The following SYNE2 variants were observed in gnomAD, a reference collection of about 807,000 sequenced individuals.
SYNE2 encodes nesprin-2.
A neutral mutation model predicts 856.3 loss-of-function variants in SYNE2; 431 were observed. The ratio of observed to expected loss-of-function variants is 0.50; its 90% CI spans 0.47 to 0.55. The LOEUF (loss-of-function observed/expected upper bound fraction) is 0.55, where lower values mean the gene tolerates loss of function less well. Among genes scored for constraint, SYNE2 ranks in the 20% least tolerant of loss-of-function variants. SYNE2 has a pLI of 0.00. For synonymous variants in SYNE2, 2,923 were observed against 2,872.3 expected, an observed-to-expected ratio of 1.02 and a Z score of -0.56; for missense variants, 8,129 against 8,023.2, an observed-to-expected ratio of 1.01 and a Z score of -0.50.
chr14:63,896,069 A>G (rs2095247641), intron 1 of SYNE2, among the ~76,000 whole-genome samples: 1 of 152,222 alleles, frequency 6.6e-6, no homozygotes, highest in African/African-American at 2.4e-5. Flanking sequence ...CTTATTTTCT[A>G]TAAAGTCATT....
chr14:63,970,814 G>A (rs2096465268), intron 11 of SYNE2, among the ~76,000 whole-genome samples: 2 of 151,302 alleles, frequency 1.3e-5, no homozygotes, highest in Admixed American at 1.3e-4. Context: ...CACCATGCCT[G>A]GCTAATTTTT....
chr14:63,834,823 T>C (rs1889791654), intron 1 of SYNE2, among the ~76,000 whole-genome samples: 1 of 151,192 alleles, frequency 6.6e-6, no homozygotes, highest in African/African-American at 2.4e-5. Context: ...GTATTTTTAG[T>C]AGAGACAGAG....
chr14:64,161,923 A>G lies in SYNE2; in HGVS notation c.16095-149A>G, dbSNP rs2098333099. 7 of 803,434 alleles carry G rather than the reference A, an allele frequency of 8.7e-6. No homozygotes were observed. In the South Asian group the frequency reaches 1.1e-4, roughly 13 times the overall value. The allele number at this position is 803,434 out of a possible 1,614,324, so 49.8% of individuals were successfully genotyped here. ...TTATTTTTATATAATGGTTTCTATA[A>G]TGGTGATGCCACTAATTTTAAAAAC... is the stretch of plus-strand genomic sequence containing the variant. On this transcript the variant is annotated intron_variant, in intron 87 of 115. Transcript: ENST00000555002.
chr14:64,105,634 C>T (rs561123821), intron 64 of SYNE2, among the ~76,000 whole-genome samples: 1 of 152,318 alleles, frequency 6.6e-6, no homozygotes, highest in African/African-American at 2.4e-5. Flanking sequence ...CTTTCTGTCA[C>T]GTTGTGTTAA....
chr14:63,851,987 G>T (rs1386227367), upstream of SYNE2, among the ~76,000 whole-genome samples: 2 of 27,746 alleles, frequency 7.2e-5, no homozygotes, highest in Non-Finnish European at 1.7e-4. Context: ...GGGGGGGGGG[G>T]GGGGGGAATG....
rs868551305 is a variant in SYNE2 at position 64,014,996 on chromosome 14, T to C, written c.4729-1477T>C. 6.5e-4 allele frequency among the ~76,000 whole-genome samples: 91 copies of C among 138,968 alleles called. 1 individual carries two copies. In the Middle Eastern group the frequency reaches 0.019, roughly 29 times the overall value. 91.2% of individuals were successfully genotyped at this position (138,968 alleles called of 152,430 possible). ...ATATACACACACACACACACACATA[T>C]ATAAATATATATATGTGTATATATG... is the stretch of plus-strand genomic sequence containing the variant. On this transcript the variant is annotated intron_variant, in intron 32 of 115. Transcript: ENST00000555002.
intron 1 of SYNE2, among the ~76,000 whole-genome samples, chr14:63,774,176 T>C (rs1475637083): frequency 6.6e-6 from 1 of 151,440 alleles, no homozygotes; most frequent in Admixed American, 6.6e-5. Context: ...CTACTAAAAA[T>C]ACAAAAAATT....
intron 87 of SYNE2, among the ~76,000 whole-genome samples, chr14:64,160,177 G>C (rs1400779145): frequency 6.6e-6 from 1 of 152,184 alleles, no homozygotes; most frequent in African/African-American, 2.4e-5. Flanking sequence ...TTGGAAGACG[G>C]GGAGGAGACA....
In SYNE2 at chr14:64,013,409, T is replaced by G. The variant is rs559034551; in HGVS notation, c.4729-3064T>G. Reference sequence around the variant, plus strand: ...TTGTGTAATGGTGGAGTCTGGGCTTTTAGTGGAACCTATCACCCAAATAGT... The same window carrying G: ...TTGTGTAATGGTGGAGTCTGGGCTTGTAGTGGAACCTATCACCCAAATAGT... On this transcript the variant is annotated intron_variant, in intron 32 of 115. Coordinates refer to ENST00000555002, the MANE Select transcript of SYNE2 (RefSeq NM_182914.3). Among the ~76,000 whole-genome samples the G allele has an allele frequency of 2.3e-4, 35 of 152,140 alleles. 2 individuals carry two copies. The highest frequency in any genetic ancestry group is 8.2e-4 in the African/African-American group (34 of 41,496).
chr14:64,186,332 C>T lies in SYNE2; in HGVS notation c.17557-92C>T. 3.2e-6 allele frequency: 5 copies of T among 1,550,106 alleles called. No homozygotes were observed. In the South Asian group the frequency reaches 4.5e-5, roughly 14 times the overall value. ...TCCCTCTCTCCTGGCCTCCCCTCCCCCAGAGTCTAATCAAAGGATTAGCCT... is the reference window on the plus strand; with the variant it reads ...TCCCTCTCTCCTGGCCTCCCCTCCCTCAGAGTCTAATCAAAGGATTAGCCT... On this transcript the variant is annotated intron_variant, in intron 96 of 115. Transcript: ENST00000555002.
Position 64,225,602 on chromosome 14 carries a change from T to G in SYNE2, c.*76T>G. On this transcript the variant is annotated 3_prime_UTR_variant, in exon 116 of 116. Transcript: ENST00000555002. ...CCCAGCACGTGGCCCCAGACCAATC[T>G]GAGTGACTTAGTGTTGGCAAGGTCC... 6.7e-7 allele frequency: 1 copy of G among 1,492,522 alleles called. No individual in the cohort carries two copies. Among genetic ancestry groups the G allele is most frequent in the Non-Finnish European group, 9.2e-7 (1 of 1,082,416 alleles). The allele number at this position is 1,492,522 out of a possible 1,614,324, so 92.5% of individuals were successfully genotyped here.
chr14:63,852,970 C>G (rs571035920), upstream of SYNE2: 86 of 151,602 alleles, frequency 5.7e-4, no homozygotes, highest in African/African-American at 1.9e-3. Flanking sequence ...GCGTGGTTTG[C>G]CGCTTTCCGA....
At position 64,214,407 on chromosome 14, in the gene SYNE2, G is replaced by C; in HGVS notation, c.19270G>C (p.Asp6424His). ...CCCCCTGGAGTGGGACCACACAGGC[G>C]ACGTGGGGGGCTCCTCCTCTCACGA... is the stretch of plus-strand genomic sequence containing the variant. ...SIPLEWDHTG[D>H]VGGSSSHEED... The change falls in exon 106 of 116, where the codon GAC (aspartate) becomes CAC (histidine). Residue 6424 changes from aspartate to histidine, a missense_variant. By Grantham distance (81) the Asp-to-His change is moderately conservative. Transcript: ENST00000555002. The C allele has an allele frequency of 1.9e-6, 3 of 1,614,084 alleles. No homozygotes were observed. Among genetic ancestry groups the C allele is most frequent in the Non-Finnish European group, 2.5e-6 (3 of 1,180,018 alleles).
intron 2 of SYNE2, among the ~76,000 whole-genome samples, chr14:63,937,263 A>T (rs1026926578): frequency 2.0e-5 from 3 of 152,222 alleles, no homozygotes; most frequent in Non-Finnish European, 4.4e-5. Flanking sequence ...GCCGCAAAGG[A>T]GCAGACAAAT....
Position 63,928,966 on chromosome 14 carries a change from A to G in SYNE2, c.80-11648A>G, listed in dbSNP as rs535683024. Among the ~76,000 whole-genome samples the G allele has an allele frequency of 2.0e-5, 3 of 152,332 alleles. No individual in the cohort carries two copies. The South Asian group carries it at 6.2e-4, about 32-fold the overall frequency. On this transcript the variant is annotated intron_variant, in intron 2 of 115. Coordinates refer to ENST00000555002, the MANE Select transcript of SYNE2 (RefSeq NM_182914.3). The stretch of plus-strand genomic sequence containing the variant: ...GGTCTCTGCCCCTGGTTCCTGGCAC[A>G]GAGCTCCTAAAACCCTTGTAATTTC...
At chr14:63,815,107 C>T (rs74185039) in intron 1 of SYNE2, among the ~76,000 whole-genome samples, 70,424 of 108,172 alleles carry the variant, frequency 0.65, 22,604 homozygotes, top group South Asian at 0.77. Flanking sequence ...TATATCCACA[C>T]ATATATCCAT....
intron 85 of SYNE2, among the ~76,000 whole-genome samples, chr14:64,154,208 A>G (rs932464222): frequency 3.3e-5 from 5 of 151,616 alleles, no homozygotes; most frequent in Non-Finnish European, 5.9e-5. Flanking sequence ...AGCTAAAAGT[A>G]TAAAACTTAG....
intron 29 of SYNE2, 24 bp from the exon 30 acceptor site, chr14:64,002,696 T>C (rs1009094883): frequency 3.4e-5 from 54 of 1,609,714 alleles, no homozygotes; most frequent in Non-Finnish European, 4.3e-5. Context: ...CTCAGTGTTT[T>C]AGCTTTTCTT....
intron 65 of SYNE2, among the ~76,000 whole-genome samples, chr14:64,111,567 G>A (rs145104403): frequency 0.01 from 1,567 of 152,256 alleles, 8 homozygotes; most frequent in Non-Finnish European, 0.017. Context: ...GGGAGGTCTA[G>A]GCGGGTGGAT....
Sources: allele counts gnomAD v4.1 joint callset (sites outside exome capture counted in the v4.1 genomes callset), GRCh38; gene constraint gnomAD v4.1.1; transcripts MANE v1.5; gene names NCBI Gene and HGNC (gene_info 2026-07-23, HGNC 2026-07-21).